The following NIPBL variants were observed in gnomAD, a reference collection of about 807,000 sequenced individuals.
The protein encoded by NIPBL is NIPBL cohesin loading factor.
In NIPBL, 19 loss-of-function variants were observed where a neutral mutation model predicts 321.8. The ratio of observed to expected loss-of-function variants is 0.06; its 90% CI spans 0.04 to 0.09. NIPBL has a LOEUF of 0.09. Ranked by LOEUF, NIPBL falls within the 10% of genes least tolerant of loss-of-function variation. The pLI, the probability that NIPBL is intolerant of heterozygous loss-of-function variation, is 1.00. For missense variants in NIPBL, 2,210 were observed against 3,327.0 expected (o/e 0.66, Z 8.26); for synonymous variants, 1,106 against 1,114.1 (o/e 0.99, Z 0.14).
In NIPBL at chr5:36,970,970, T is replaced by G; in HGVS notation, c.705T>G (p.His235Gln). 1 of 1,613,574 alleles carries G rather than the reference T, an allele frequency of 6.2e-7. No individual in the cohort carries two copies. Among genetic ancestry groups the G allele is most frequent in the Non-Finnish European group, 8.5e-7 (1 of 1,179,502 alleles). Residue 235 changes from histidine (H) to glutamine (Q), a missense_variant, in exon 7 of 47, where the codon CAT (histidine) becomes CAG (glutamine). By Grantham distance (24) the His-to-Gln change is conservative. Transcript: ENST00000282516. Reference protein sequence around the residue: ...GPLSGNSANHHADNPRHGSSE... With the variant: ...GPLSGNSANHQADNPRHGSSE... ...TGTCTGGCAATTCAGCTAATCATCA[T>G]GCTGATAATCCTAGACATGGTTCAA...
At chr5:37,013,457 G>A (rs1428069744) in intron 21 of NIPBL, among the ~76,000 whole-genome samples, 4 of 151,806 alleles carry the variant, frequency 2.6e-5, no homozygotes, top group East Asian at 1.9e-4. Flanking sequence ...CAGACGGGGC[G>A]GCTGCCGGGC....
At chr5:36,879,751 A>G (rs919790773) in intron 1 of NIPBL, among the ~76,000 whole-genome samples, 2 of 152,148 alleles carry the variant, frequency 1.3e-5, no homozygotes, top group Admixed American at 6.5e-5. Context: ...CCTAAAGGAA[A>G]TTTCAACAAT....
chr5:37,039,240 A>G (rs980605254), intron 34 of NIPBL, among the ~76,000 whole-genome samples: 4 of 151,676 alleles, frequency 2.6e-5, no homozygotes, highest in Admixed American at 2.6e-4. Context: ...TATGGCACCT[A>G]AGGAAATTGT....
chr5:37,002,256 C>G (rs959208018), intron 14 of NIPBL, among the ~76,000 whole-genome samples: 7 of 152,088 alleles, frequency 4.6e-5, no homozygotes, highest in African/African-American at 1.7e-4. Flanking sequence ...ACCTTGTAAG[C>G]AAAGAGTAAG....
At chr5:37,024,501 A>C (rs1007943348) in intron 29 of NIPBL, 84 bp from the exon 30 acceptor site, 1 of 1,137,244 alleles carries the variant, frequency 8.8e-7, no homozygotes, top group Non-Finnish European at 1.3e-6. Flanking sequence ...TAGTGAATAT[A>C]CTGCGTATGG....
chr5:37,010,949 A>G (rs1167320688), intron 21 of NIPBL, among the ~76,000 whole-genome samples: 1 of 152,200 alleles, frequency 6.6e-6, no homozygotes, highest in African/African-American at 2.4e-5. Context: ...TGATATTCAA[A>G]GGAAATATTC....
At chr5:36,970,103 C>T (rs1742685931) in intron 6 of NIPBL, among the ~76,000 whole-genome samples, 1 of 151,990 alleles carries the variant, frequency 6.6e-6, no homozygotes, top group Non-Finnish European at 1.5e-5. Flanking sequence ...AATGAATTTA[C>T]ACCAGGCACA....
intron 1 of NIPBL, among the ~76,000 whole-genome samples, chr5:36,892,555 T>C (rs1239021800): frequency 1.3e-5 from 2 of 152,056 alleles, no homozygotes; most frequent in African/African-American, 4.8e-5. Context: ...CCAACAACGA[T>C]AGACTGGATT....
At position 37,045,593 on chromosome 5, in the gene NIPBL, G is replaced by T. The variant is rs1205659954; in HGVS notation, c.6494G>T (p.Ser2165Ile). ...GATCTGGAAGATTTTAAAGGCAACA[G>T]CAAGGTAAAGGTAGTAATACTTAAA... is the stretch of plus-strand genomic sequence containing the variant. The part of the protein sequence containing the change: ...DFDLEDFKGN[S>I]KVNIKDKVLE... The change falls in exon 37 of 47, where the codon AGC (serine) becomes ATC (isoleucine). Residue 2165 changes from serine to isoleucine, a missense_variant. Physicochemically the swap from Ser to Ile is moderately radical, Grantham distance 142 (BLOSUM62 -2). Coordinates refer to ENST00000282516, the MANE Select transcript of NIPBL (RefSeq NM_133433.4). 1 of 1,613,638 alleles carries T rather than the reference G, an allele frequency of 6.2e-7. No individual in the cohort carries two copies. The highest frequency in any genetic ancestry group is 8.5e-7 in the Non-Finnish European group (1 of 1,179,736).
chr5:36,986,687 G>A (rs1744845806), intron 10 of NIPBL, among the ~76,000 whole-genome samples: 1 of 152,116 alleles, frequency 6.6e-6, no homozygotes, highest in South Asian at 2.1e-4. Flanking sequence ...TTACAGACCT[G>A]TGTCTGAGCC....
rs1749359843 is a variant in NIPBL at position 37,019,316 on chromosome 5, A to G, written c.4926A>G (p.Ser1642=). 2 of 1,606,904 alleles carry G rather than the reference A, an allele frequency of 1.2e-6. No individual in the cohort carries two copies. Among genetic ancestry groups the G allele is most frequent in the Non-Finnish European group, 1.7e-6 (2 of 1,173,732 alleles). Reference sequence around the variant, plus strand: ...TTATTTGGTTTATTCTATAGGTTTCAGGAGGGGAAGATGAAATCCAACAAT... The same window carrying G: ...TTATTTGGTTTATTCTATAGGTTTCGGGAGGGGAAGATGAAATCCAACAAT... The part of the protein sequence containing the change: ...GSIERILKQV[S]GGEDEIQQLQ... Residue 1642 remains serine, a synonymous_variant, in exon 25 of 47, where the codon TCA becomes TCG. Transcript: ENST00000282516.
intron 1 of NIPBL, among the ~76,000 whole-genome samples, chr5:36,947,028 CT>C (rs1373801149): frequency 6.6e-6 from 1 of 152,000 alleles, no homozygotes; most frequent in African/African-American, 2.4e-5. Flanking sequence ...CGCCCTGAAA[CT>C]TAATTTTTGC....
At chr5:36,879,353 A>G (rs1745339177) in intron 1 of NIPBL, among the ~76,000 whole-genome samples, 1 of 152,204 alleles carries the variant, frequency 6.6e-6, no homozygotes, top group Non-Finnish European at 1.5e-5. Flanking sequence ...TATTTTCCCA[A>G]TTCTACATAT....
At chr5:36,941,613 A>G (rs1739072979) in intron 1 of NIPBL, among the ~76,000 whole-genome samples, 1 of 151,622 alleles carries the variant, frequency 6.6e-6, no homozygotes, top group Non-Finnish European at 1.5e-5. Flanking sequence ...ATTATCTGAG[A>G]AATTATGCTA....
At chr5:36,952,133 A>G (rs1740455505) in intron 1 of NIPBL, among the ~76,000 whole-genome samples, 1 of 151,084 alleles carries the variant, frequency 6.6e-6, no homozygotes. Flanking sequence ...TTATAATAAT[A>G]ATGTTTGGGG....
At chr5:37,053,323 G>A (rs1445064212) in intron 42 of NIPBL, among the ~76,000 whole-genome samples, 4 of 149,294 alleles carry the variant, frequency 2.7e-5, no homozygotes, top group African/African-American at 9.8e-5. Context: ...AAAAGGTACA[G>A]TAAAAATATG....
chr5:36,917,300 G>C (rs559954728), intron 1 of NIPBL, among the ~76,000 whole-genome samples: 1 of 152,312 alleles, frequency 6.6e-6, no homozygotes, highest in Non-Finnish European at 1.5e-5. Flanking sequence ...CTTTTGAGAA[G>C]TGTCTGTTCA....
intron 10 of NIPBL, among the ~76,000 whole-genome samples, chr5:36,990,508 T>C (rs966615789): frequency 3.3e-5 from 5 of 152,222 alleles, no homozygotes; most frequent in African/African-American, 1.2e-4. Flanking sequence ...TGGAAATTTA[T>C]TTTGTTTCAT....
intron 1 of NIPBL, among the ~76,000 whole-genome samples, chr5:36,903,400 G>T (rs1580188643): frequency 1.3e-5 from 2 of 152,096 alleles, no homozygotes; most frequent in African/African-American, 4.8e-5. Context: ...TGTTGGCTGT[G>T]GGTTTGCTAT....
Sources: allele counts gnomAD v4.1 joint callset (sites outside exome capture counted in the v4.1 genomes callset), GRCh38; gene constraint gnomAD v4.1.1; transcripts MANE v1.5; gene names NCBI Gene and HGNC (gene_info 2026-07-23, HGNC 2026-07-21).